The following MARCHF11 variants were observed in gnomAD, a reference collection of about 807,000 sequenced individuals.
The protein encoded by MARCHF11 is E3 ubiquitin-protein ligase MARCHF11.
A neutral mutation model predicts 37.3 loss-of-function variants in MARCHF11; 29 were observed. The observed-to-expected ratio is 0.78, with a 90% confidence interval of 0.58 to 1.06. The LOEUF (loss-of-function observed/expected upper bound fraction) is 1.06. Among genes scored for constraint, MARCHF11 ranks in the 50% least tolerant of loss-of-function variants. MARCHF11 has a pLI of 0.00. For synonymous variants in MARCHF11, 233 were observed against 228.0 expected, an observed-to-expected ratio of 1.02 and a Z score of -0.20; for missense variants, 482 against 533.4, an observed-to-expected ratio of 0.90 and a Z score of 0.95.
chr5:16,087,446 T>A (rs970493053), intron 3 of MARCHF11, among the ~76,000 whole-genome samples: 11 of 152,220 alleles, frequency 7.2e-5, no homozygotes, highest in African/African-American at 2.7e-4. Context: ...TTCAAGCTCT[T>A]ATACACTTAC....
At chr5:16,068,746 G>A (rs967752962) in intron 3 of MARCHF11, among the ~76,000 whole-genome samples, 1 of 152,312 alleles carries the variant, frequency 6.6e-6, no homozygotes, top group East Asian at 1.9e-4. Context: ...TTTTGAATTC[G>A]TGATCCCTCA....
intron 2 of MARCHF11, among the ~76,000 whole-genome samples, chr5:16,156,905 T>C (rs1000730704): frequency 1.3e-5 from 2 of 151,870 alleles, no homozygotes; most frequent in Non-Finnish European, 2.9e-5. Context: ...AAAAATACAG[T>C]ATTATGCTCT....
chr5:16,164,699 A>G (rs1738141330), intron 2 of MARCHF11, among the ~76,000 whole-genome samples: 1 of 152,150 alleles, frequency 6.6e-6, no homozygotes, highest in Non-Finnish European at 1.5e-5. Context: ...TTGAAGTTAA[A>G]GTCCACATGT....
chr5:16,162,552 C>T (rs1738099098), intron 2 of MARCHF11, among the ~76,000 whole-genome samples: 1 of 151,958 alleles, frequency 6.6e-6, no homozygotes, highest in African/African-American at 2.4e-5. Context: ...CAATATCTCT[C>T]AACAATTCAT....
At chr5:16,068,281 A>G (rs1345098585) in intron 3 of MARCHF11, among the ~76,000 whole-genome samples, 3 of 152,166 alleles carry the variant, frequency 2.0e-5, no homozygotes, top group African/African-American at 4.8e-5. Context: ...CACAGTAAAA[A>G]CCATGTAAAT....
At chr5:16,151,886 GT>G (rs765163192) in intron 2 of MARCHF11, among the ~76,000 whole-genome samples, 2 of 151,370 alleles carry the variant, frequency 1.3e-5, no homozygotes, top group African/African-American at 2.4e-5. Context: ...TTGTTGTTTT[GT>G]CATTTGGGGA....
intron 2 of MARCHF11, among the ~76,000 whole-genome samples, chr5:16,127,924 C>A (rs1420480787): frequency 1.3e-5 from 2 of 152,138 alleles, no homozygotes; most frequent in African/African-American, 2.4e-5. Context: ...AGCTGCTCCA[C>A]TTGCTTTTTC....
At chr5:16,164,454 G>A (rs1201102400) in intron 2 of MARCHF11, among the ~76,000 whole-genome samples, 1 of 152,000 alleles carries the variant, frequency 6.6e-6, no homozygotes, top group Non-Finnish European at 1.5e-5. Flanking sequence ...CCACTCTCTA[G>A]GACAGGCTGT....
chr5:16,114,218 C>A, intron 2 of MARCHF11, among the ~76,000 whole-genome samples: 1 of 152,150 alleles, frequency 6.6e-6, no homozygotes, highest in East Asian at 1.9e-4. Context: ...CTGTCAACAC[C>A]AGGATATCTT....
At chr5:16,102,963 C>G (rs1007454168) in intron 2 of MARCHF11, among the ~76,000 whole-genome samples, 20 of 152,158 alleles carry the variant, frequency 1.3e-4, no homozygotes, top group South Asian at 2.1e-4. Flanking sequence ...ACTATCTTGT[C>G]TTAACACCAC....
chr5:16,148,180 T>C (rs909964806), intron 2 of MARCHF11, among the ~76,000 whole-genome samples: 7 of 152,078 alleles, frequency 4.6e-5, no homozygotes, highest in African/African-American at 1.7e-4. Flanking sequence ...AGGAATTAAG[T>C]ATACAAACTG....
intron 2 of MARCHF11, among the ~76,000 whole-genome samples, chr5:16,157,901 T>C (rs886335809): frequency 6.6e-5 from 10 of 151,836 alleles, no homozygotes; most frequent in African/African-American, 2.4e-4. Flanking sequence ...AGACAACCTA[T>C]GGAATGAGAG....
chr5:16,089,969 C>G (rs1017268937), intron 3 of MARCHF11, among the ~76,000 whole-genome samples: 1 of 152,202 alleles, frequency 6.6e-6, no homozygotes, highest in African/African-American at 2.4e-5. Context: ...CATCCATCCG[C>G]TGAAGCTGGT....
chr5:16,103,644 T>C (rs1211791994), intron 2 of MARCHF11, among the ~76,000 whole-genome samples: 1 of 152,216 alleles, frequency 6.6e-6, no homozygotes, highest in Non-Finnish European at 1.5e-5. Flanking sequence ...CAAGAAGCTG[T>C]GCCCATTTCT....
intron 2 of MARCHF11, among the ~76,000 whole-genome samples, chr5:16,095,530 T>C (rs144782568): frequency 6.6e-6 from 1 of 152,074 alleles, no homozygotes; most frequent in African/African-American, 2.4e-5. Flanking sequence ...CAGCTTCATA[T>C]GACTTCTTTT....
chr5:16,138,831 G>A (rs1737655147), intron 2 of MARCHF11, among the ~76,000 whole-genome samples: 1 of 152,124 alleles, frequency 6.6e-6, no homozygotes, highest in Admixed American at 6.5e-5. Flanking sequence ...ATGGATTTTG[G>A]GCTTCCATGG....
intron 3 of MARCHF11, among the ~76,000 whole-genome samples, chr5:16,086,315 T>C (rs1736697656): frequency 6.6e-6 from 1 of 152,190 alleles, no homozygotes; most frequent in African/African-American, 2.4e-5. Context: ...AAGGGGACAT[T>C]TCTGCAAAGG....
chr5:16,137,970 A>G (rs141914150), intron 2 of MARCHF11, among the ~76,000 whole-genome samples: 3,144 of 152,300 alleles, frequency 0.021, 30 homozygotes, highest in Middle Eastern at 0.031. Context: ...TGGAATTGGA[A>G]CTTATGTTTA....
At chr5:16,150,113 T>TA (rs1252479349) in intron 2 of MARCHF11, among the ~76,000 whole-genome samples, 1 of 149,476 alleles carries the variant, frequency 6.7e-6, no homozygotes, top group African/African-American at 2.6e-5. Flanking sequence ...TGTACATGTA[T>TA]AAAAGATTTA....
Sources: allele counts gnomAD v4.1 joint callset (sites outside exome capture counted in the v4.1 genomes callset), GRCh38; gene constraint gnomAD v4.1.1; transcripts MANE v1.5; gene names NCBI Gene and HGNC (gene_info 2026-07-23, HGNC 2026-07-21).